The following PDGFD variants were observed in gnomAD, a reference collection of about 807,000 sequenced individuals.
PDGFD encodes platelet-derived growth factor D.
A neutral mutation model predicts 44.7 loss-of-function variants in PDGFD; 30 were observed. The observed-to-expected ratio is 0.67, with a 90% CI of 0.50 to 0.91. PDGFD has a LOEUF of 0.91. Among genes scored for constraint, PDGFD ranks in the 40% least tolerant of loss-of-function variants. PDGFD has a pLI of 0.00. For synonymous variants in PDGFD, 173 were observed against 168.4 expected, an observed-to-expected ratio of 1.03 and a Z score of -0.21; for missense variants, 445 against 457.8, an observed-to-expected ratio of 0.97 and a Z score of 0.25.
intron 1 of PDGFD, among the ~76,000 whole-genome samples, chr11:104,132,350 T>G (rs1861936635): frequency 6.6e-6 from 1 of 152,134 alleles, no homozygotes; most frequent in Admixed American, 6.5e-5. Flanking sequence ...GATATTACTA[T>G]AAAAATTATT....
chr11:104,068,536 T>C, intron 1 of PDGFD, among the ~76,000 whole-genome samples: 1 of 152,326 alleles, frequency 6.6e-6, no homozygotes, highest in South Asian at 2.1e-4. Context: ...ATCACAAATA[T>C]AAATTACATA....
At chr11:104,089,467 T>C (rs187228019) in intron 1 of PDGFD, among the ~76,000 whole-genome samples, 2 of 152,232 alleles carry the variant, frequency 1.3e-5, no homozygotes, top group African/African-American at 4.8e-5. Flanking sequence ...TTTTTTTTCA[T>C]GTAGGTTTGA....
chr11:104,144,829 C>T (rs1414983110), intron 1 of PDGFD, among the ~76,000 whole-genome samples: 1 of 152,112 alleles, frequency 6.6e-6, no homozygotes. Context: ...GTTTTGTCAA[C>T]CATAAAGCAA....
At chr11:104,160,454 ACT>A (rs1471417583) in intron 1 of PDGFD, among the ~76,000 whole-genome samples, 1 of 152,214 alleles carries the variant, frequency 6.6e-6, no homozygotes, top group Non-Finnish European at 1.5e-5. Flanking sequence ...TAATCTGCAC[ACT>A]GAGCAACACT....
At position 104,000,144 on chromosome 11, in the gene PDGFD, A is replaced by T. The variant is rs1859598880; in HGVS notation, c.236T>A (p.Leu79Gln). 6.2e-7 allele frequency: 1 copy of T among 1,614,120 alleles called. No individual in the cohort carries two copies. The highest frequency in any genetic ancestry group is 1.7e-5 in the Admixed American group (1 of 60,024). The change falls in exon 2 of 7, where the codon CTG (leucine) becomes CAG (glutamine). Residue 79 changes from leucine (L) to glutamine (Q), a missense_variant. Physicochemically the swap from Leu to Gln is moderately radical, Grantham distance 113 (BLOSUM62 -2). Transcript: ENST00000393158. ...CTCCTGAGAGTGAAGCCGCCATGTC[A>T]GGAGCAGGTTCCTGGGGTAGCTGTT... The part of the protein sequence containing the change: ...FPNSYPRNLL[L>Q]TWRLHSQENT...
At chr11:104,128,703 C>T (rs1479525627) in intron 1 of PDGFD, among the ~76,000 whole-genome samples, 1 of 152,002 alleles carries the variant, frequency 6.6e-6, no homozygotes, top group African/African-American at 2.4e-5. Flanking sequence ...TTTATTTTAC[C>T]TCAATAAGTG....
chr11:103,997,720 A>G (rs762816385), intron 2 of PDGFD, among the ~76,000 whole-genome samples: 41 of 152,188 alleles, frequency 2.7e-4, no homozygotes, highest in Non-Finnish European at 5.1e-4. Flanking sequence ...ATACATGTAA[A>G]TCATATTTAC....
At chr11:104,004,867 A>G (rs919210459) in intron 1 of PDGFD, among the ~76,000 whole-genome samples, 1 of 123,472 alleles carries the variant, frequency 8.1e-6, no homozygotes, top group Non-Finnish European at 1.7e-5. Context: ...AGGTATTATT[A>G]CCACCTTTTT....
chr11:104,114,340 G>C (rs1861601312), intron 1 of PDGFD, among the ~76,000 whole-genome samples: 1 of 151,852 alleles, frequency 6.6e-6, no homozygotes, highest in South Asian at 2.1e-4. Flanking sequence ...CTAGCACCAT[G>C]TATAGAAAAG....
intron 6 of PDGFD, among the ~76,000 whole-genome samples, chr11:103,917,003 G>A (rs544107788): frequency 1.0e-3 from 154 of 151,970 alleles, no homozygotes; most frequent in African/African-American, 3.5e-3. Flanking sequence ...GGGTTGATGG[G>A]TGCAGCAAGC....
intron 5 of PDGFD, among the ~76,000 whole-genome samples, chr11:103,929,833 G>T (rs1029805118): frequency 2.0e-5 from 3 of 152,150 alleles, no homozygotes; most frequent in East Asian, 3.9e-4. Flanking sequence ...CCAGACAGAG[G>T]CTGAGCAGCA....
intron 1 of PDGFD, among the ~76,000 whole-genome samples, chr11:104,049,431 A>T (rs1010237122): frequency 2.0e-5 from 3 of 152,192 alleles, no homozygotes; most frequent in Non-Finnish European, 4.4e-5. Flanking sequence ...GAAGGGCTAG[A>T]TTACGTAAGG....
chr11:104,017,367 A>T (rs534759877), intron 1 of PDGFD, among the ~76,000 whole-genome samples: 10 of 151,368 alleles, frequency 6.6e-5, no homozygotes, highest in African/African-American at 1.2e-4. Flanking sequence ...GTTTTTTTTT[A>T]AATTATCCAG....
At chr11:104,009,279 T>C (rs1859747657) in intron 1 of PDGFD, among the ~76,000 whole-genome samples, 1 of 152,008 alleles carries the variant, frequency 6.6e-6, no homozygotes, top group Non-Finnish European at 1.5e-5. Context: ...TAGTTTGCTG[T>C]TATATATGGG....
At chr11:104,079,617 G>A (rs904977771) in intron 1 of PDGFD, among the ~76,000 whole-genome samples, 2 of 152,110 alleles carry the variant, frequency 1.3e-5, no homozygotes, top group East Asian at 1.9e-4. Flanking sequence ...TCAAACTCCC[G>A]ACCTCATTAT....
intron 6 of PDGFD, among the ~76,000 whole-genome samples, chr11:103,916,344 T>C (rs914180716): frequency 2.6e-5 from 4 of 152,092 alleles, no homozygotes; most frequent in Non-Finnish European, 5.9e-5. Context: ...AAAAACCTCA[T>C]CATCATTGGT....
At chr11:104,143,354 A>G (rs1204294207) in intron 1 of PDGFD, among the ~76,000 whole-genome samples, 1 of 152,180 alleles carries the variant, frequency 6.6e-6, no homozygotes, top group Non-Finnish European at 1.5e-5. Context: ...TGAATATGCT[A>G]GAGGGGATCA....
chr11:103,992,964 T>C (rs773901877), intron 3 of PDGFD, among the ~76,000 whole-genome samples: 20 of 151,938 alleles, frequency 1.3e-4, no homozygotes, highest in Non-Finnish European at 4.4e-5. Flanking sequence ...GGTAGAGAGG[T>C]AGATATGAGA....
At chr11:104,024,204 T>C (rs1476549892) in intron 1 of PDGFD, among the ~76,000 whole-genome samples, 3 of 152,018 alleles carry the variant, frequency 2.0e-5, no homozygotes, top group Admixed American at 1.3e-4. Context: ...TAAGATAAAA[T>C]AGGTAAATCA....
Sources: allele counts gnomAD v4.1 joint callset (sites outside exome capture counted in the v4.1 genomes callset), GRCh38; gene constraint gnomAD v4.1.1; transcripts MANE v1.5; gene names NCBI Gene and HGNC (gene_info 2026-07-23, HGNC 2026-07-21).